The following LRRK1 variants were observed in gnomAD, a reference collection of about 807,000 sequenced individuals.
LRRK1 encodes leucine-rich repeat serine/threonine-protein kinase 1.
A neutral mutation model predicts 209.1 loss-of-function variants in LRRK1; 113 were observed. That is an observed-to-expected ratio of 0.54 (90% CI 0.46 to 0.63). The LOEUF (loss-of-function observed/expected upper bound fraction) is 0.63. Among genes scored for constraint, LRRK1 ranks in the 30% least tolerant of loss-of-function variants. The probability of loss-of-function intolerance (pLI) is 0.00; values close to 1 mark genes in which losing one functional copy is unlikely to be tolerated. For synonymous variants in LRRK1, 1,144 were observed against 1,099.7 expected, an observed-to-expected ratio of 1.04 and a Z score of -0.80; for missense variants, 2,284 against 2,632.2, an observed-to-expected ratio of 0.87 and a Z score of 2.89.
rs531451761 is a variant in LRRK1 at position 101,005,493 on chromosome 15, C to A, written c.763-3344C>A. On this transcript the variant is annotated intron_variant, in intron 6 of 33. Coordinates refer to ENST00000388948, the MANE Select transcript of LRRK1 (RefSeq NM_024652.6). Reference sequence around the variant, plus strand: ...CTTTGCTGCATTGAATTGGAGGCATCAGAACACACTCATGTTAAATACAGA... The same window carrying A: ...CTTTGCTGCATTGAATTGGAGGCATAAGAACACACTCATGTTAAATACAGA... Among the ~76,000 whole-genome samples the A allele has an allele frequency of 4.6e-5, 7 of 152,334 alleles. No homozygotes were observed. In the East Asian group the frequency reaches 1.2e-3, roughly 25 times the overall value.
At chr15:101,057,414 TAC>T (rs1395555853) in intron 28 of LRRK1, among the ~76,000 whole-genome samples, 1 of 152,250 alleles carries the variant, frequency 6.6e-6, no homozygotes, top group African/African-American at 2.4e-5. Context: ...GGGATCATAT[TAC>T]AGTGTTCAGG....
chr15:100,973,766 G>A, intron 2 of LRRK1, 38 bp from the exon 3 acceptor site: 1 of 1,261,168 alleles, frequency 7.9e-7, no homozygotes, highest in South Asian at 2.9e-5. Context: ...GCGGGCAGTG[G>A]GCGGTGACGC....
chr15:101,010,399 G>T (rs1355865406), intron 7 of LRRK1, 51 bp from the exon 8 acceptor site: 2 of 1,563,394 alleles, frequency 1.3e-6, no homozygotes, highest in Non-Finnish European at 1.7e-6. Flanking sequence ...ATGTAAATTT[G>T]GTGTTTTCCC....
At chr15:100,941,798 C>A (rs1298617817) in intron 2 of LRRK1, among the ~76,000 whole-genome samples, 1 of 152,178 alleles carries the variant, frequency 6.6e-6, no homozygotes, top group Non-Finnish European at 1.5e-5. Context: ...AGCACACTTT[C>A]TCTTTAGCCC....
chr15:100,961,263 C>CT (rs1298356843), intron 2 of LRRK1, among the ~76,000 whole-genome samples: 2 of 152,164 alleles, frequency 1.3e-5, no homozygotes, highest in African/African-American at 4.8e-5. Flanking sequence ...CCATAGTGAC[C>CT]TTATCCAATC....
chr15:100,956,257 G>T (rs2042753575), intron 2 of LRRK1, among the ~76,000 whole-genome samples: 1 of 151,500 alleles, frequency 6.6e-6, no homozygotes, highest in African/African-American at 2.4e-5. Context: ...TTTCTTCCAG[G>T]TTATCTAATT....
At chr15:101,059,048 C>T (rs951395036) in intron 29 of LRRK1, among the ~76,000 whole-genome samples, 3 of 152,084 alleles carry the variant, frequency 2.0e-5, no homozygotes, top group Admixed American at 6.6e-5. Context: ...TTATGCCACT[C>T]GGACTGAGGG....
rs1293768631 is a variant in LRRK1 at position 101,021,964 on chromosome 15, C to A, written c.1852+7C>A. On this transcript the variant is annotated splice_region_variant and intron_variant, in intron 14 of 33. Coordinates refer to ENST00000388948, the MANE Select transcript of LRRK1 (RefSeq NM_024652.6). ...GCAGAAATCCAAAAAGAAGGTAGGG[C>A]TTCCGCAGCCCTGTCCCCTGCCATC... 1.3e-5 allele frequency: 21 copies of A among 1,588,556 alleles called. No homozygotes were observed. Among genetic ancestry groups the A allele is most frequent in the Admixed American group, 1.7e-5 (1 of 59,912 alleles).
chr15:100,999,369 A>T (rs76138484), intron 6 of LRRK1, among the ~76,000 whole-genome samples: 7,037 of 152,322 alleles, frequency 0.046, 207 homozygotes, highest in Middle Eastern at 0.075. Context: ...TCACTTGCTT[A>T]AAAGAGAAGC....
intron 20 of LRRK1, among the ~76,000 whole-genome samples, chr15:101,034,751 C>T (rs1051300861): frequency 2.0e-5 from 3 of 152,010 alleles, no homozygotes; most frequent in African/African-American, 4.8e-5. Context: ...TTGTTTGGTT[C>T]CATATGAATT....
intron 33 of LRRK1, 149 bp downstream of exon 33, chr15:101,066,890 A>T: frequency 1.3e-6 from 1 of 752,930 alleles, no homozygotes; most frequent in Non-Finnish European, 2.2e-6. Flanking sequence ...AGTGGAAACA[A>T]GATGGGGCCC....
At chr15:101,019,974 A>T (rs1401292080) in intron 12 of LRRK1, among the ~76,000 whole-genome samples, 1 of 152,230 alleles carries the variant, frequency 6.6e-6, no homozygotes, top group Non-Finnish European at 1.5e-5. Context: ...CTAATTAATA[A>T]AGTCACTTAA....
rs934227513 is a variant in LRRK1, at chr15:100,951,803, T to C, written c.98-22001T>C. ...CCTGTTTCTACTAAAAATACAAATA[T>C]TAGCCAGGCATGGTGGCATGCGTCT... On this transcript the variant is annotated intron_variant, in intron 2 of 33. Coordinates refer to ENST00000388948, the MANE Select transcript of LRRK1 (RefSeq NM_024652.6). Among the ~76,000 whole-genome samples, 5 of 151,868 alleles carry C rather than the reference T, an allele frequency of 3.3e-5. No individual in the cohort carries two copies. In the East Asian group the frequency reaches 7.7e-4, roughly 24 times the overall value.
At chr15:101,051,547 G>A (rs973614934) in intron 23 of LRRK1, among the ~76,000 whole-genome samples, 164 bp from the exon 24 acceptor site, 10 of 152,338 alleles carry the variant, frequency 6.6e-5, no homozygotes, top group African/African-American at 2.2e-4. Context: ...CTCCAAAAAG[G>A]CACCCGAATG....
At position 101,049,867 on chromosome 15, in the gene LRRK1, C is replaced by T. The variant is rs187236106; in HGVS notation, c.3439+84C>T. The T allele has an allele frequency of 1.7e-4, 248 of 1,431,664 alleles. No homozygotes were observed. The African/African-American group carries it at 2.9e-3, about 17-fold the overall frequency. The allele number at this position is 1,431,664 out of a possible 1,614,324, so 88.7% of individuals were successfully genotyped here. A position where few individuals can be genotyped will look rare whatever the true frequency, so the allele number is the denominator to read the frequency against. The stretch of plus-strand genomic sequence containing the variant: ...GTGGGGCTGCTGCTTTCGGGGTGGA[C>T]AAAAATCCCACTGGGATTCAGCCCA... On this transcript the variant is annotated intron_variant, in intron 23 of 33. Transcript: ENST00000388948.
chr15:100,927,511 C>T (rs1405767949), intron 2 of LRRK1, among the ~76,000 whole-genome samples: 1 of 152,178 alleles, frequency 6.6e-6, no homozygotes, highest in African/African-American at 2.4e-5. Flanking sequence ...GTGACCTCAG[C>T]AGCCTTCACT....
At position 100,919,549 on chromosome 15, in the gene LRRK1, C is replaced by T. The variant is rs2093776661; in HGVS notation, c.-123+98C>T. 1 of 147,266 alleles carries T rather than the reference C, an allele frequency of 6.8e-6. No individual in the cohort carries two copies. Among genetic ancestry groups the T allele is most frequent in the African/African-American group, 2.4e-5 (1 of 40,902 alleles). The allele number at this position is 147,266 out of a possible 1,614,324, so 9.1% of individuals were successfully genotyped here. A position where few individuals can be genotyped will look rare whatever the true frequency, so the allele number is the denominator to read the frequency against. On this transcript the variant is annotated intron_variant, in intron 1 of 33. Transcript: ENST00000388948. The surrounding 1 kb of genome is among the most constrained non-coding windows in gnomAD (Gnocchi z 5.8). ...CGCGCCCGGCGCCCGCGGGGAGCCT[C>T]GGCCTCTGCCTGCCCGCGGGCCCCT... is the stretch of plus-strand genomic sequence containing the variant.
At chr15:101,012,965 G>A (rs923113679) in intron 10 of LRRK1, among the ~76,000 whole-genome samples, 1 of 152,160 alleles carries the variant, frequency 6.6e-6, no homozygotes, top group Non-Finnish European at 1.5e-5. Flanking sequence ...CTTGTCCACA[G>A]CCCCTGGGCC....
chr15:101,025,057 A>T (rs769586007), intron 16 of LRRK1, 90 bp downstream of exon 16: 4 of 1,303,516 alleles, frequency 3.1e-6, no homozygotes, highest in Middle Eastern at 2.6e-4. Flanking sequence ...GTACTGAGAA[A>T]AAAAGGGGGT....
Sources: allele counts gnomAD v4.1 joint callset (sites outside exome capture counted in the v4.1 genomes callset), GRCh38; gene constraint gnomAD v4.1.1; non-coding constraint Gnocchi (gnomAD v3.1); transcripts MANE v1.5; gene names NCBI Gene and HGNC (gene_info 2026-07-23, HGNC 2026-07-21).